BICC1: variants seen among roughly 807,000 people sequenced by gnomAD.
The protein encoded by BICC1 is BicC family RNA binding protein 1.
In BICC1, 43 loss-of-function variants were observed where a neutral mutation model predicts 111.0. That is an observed-to-expected ratio of 0.39 (90% CI 0.30 to 0.50). The LOEUF (loss-of-function observed/expected upper bound fraction) is 0.50. Ranked by LOEUF, BICC1 falls within the 20% of genes least tolerant of loss-of-function variation. The pLI, the probability that BICC1 is intolerant of heterozygous loss-of-function variation, is 0.88. For missense variants in BICC1, 1,091 were observed against 1,203.2 expected (o/e 0.91, Z 1.38); for synonymous variants, 467 against 434.4 (o/e 1.07, Z -0.93).
intron 2 of BICC1, among the ~76,000 whole-genome samples, chr10:58,671,779 T>A (rs1839192815): frequency 6.6e-6 from 1 of 152,148 alleles, no homozygotes; most frequent in Non-Finnish European, 1.5e-5. Flanking sequence ...TTCAACTCAC[T>A]CCAGCTTCTG....
In BICC1 at chr10:58,786,937, A is replaced by G. The variant is rs1278636319; in HGVS notation, c.402A>G (p.Thr134=). Residue 134 remains threonine (T), a synonymous_variant, in exon 5 of 21, where the codon ACA becomes ACG. Coordinates refer to ENST00000373886, the MANE Select transcript of BICC1 (RefSeq NM_001080512.3). ...TTTTCACATAGAGCAATCGAGTCAC[A>G]CTGAAGATGGATGTTTCACATACAG... ...SVLDTKSNRV[T]LKMDVSHTEH... The G allele has an allele frequency of 6.3e-7, 1 of 1,587,318 alleles. No individual in the cohort carries two copies. Among genetic ancestry groups the G allele is most frequent in the Non-Finnish European group, 8.5e-7 (1 of 1,171,146 alleles).
intron 15 of BICC1, among the ~76,000 whole-genome samples, chr10:58,804,804 A>C (rs1843660483): frequency 6.6e-6 from 1 of 152,204 alleles, no homozygotes; most frequent in South Asian, 2.1e-4. Context: ...ACTCTTAATA[A>C]ATCACTAAGA....
intron 2 of BICC1, among the ~76,000 whole-genome samples, chr10:58,666,336 G>A (rs577922294): frequency 6.6e-6 from 1 of 152,286 alleles, no homozygotes; most frequent in South Asian, 2.1e-4. Flanking sequence ...ATTGTTTCAG[G>A]TGCATATTAC....
chr10:58,521,468 T>C (rs1842384593), intron 1 of BICC1, among the ~76,000 whole-genome samples: 6 of 152,076 alleles, frequency 3.9e-5, no homozygotes, highest in Admixed American at 3.9e-4. Flanking sequence ...TAGTGAAATT[T>C]TGGGGAGCAA....
chr10:58,825,550 G>A (rs1473795367), intron 20 of BICC1, among the ~76,000 whole-genome samples: 3 of 152,128 alleles, frequency 2.0e-5, no homozygotes, highest in Non-Finnish European at 4.4e-5. Flanking sequence ...GGCACCACTG[G>A]CAGCAGAGAG....
rs527279932 is a variant in BICC1, at chr10:58,655,864, G to A, written c.237+34963G>A. Reference sequence around the variant, plus strand: ...TTATTTTGAAATATGTCCCATCAATGCCTAATTTATTGAGAGTTTTTAGCA... The same window carrying A: ...TTATTTTGAAATATGTCCCATCAATACCTAATTTATTGAGAGTTTTTAGCA... On this transcript the variant is annotated intron_variant, in intron 2 of 20. Transcript: ENST00000373886. 4.1e-4 allele frequency among the ~76,000 whole-genome samples: 62 copies of A among 151,332 alleles called. No individual in the cohort carries two copies. In the South Asian group the frequency reaches 0.01, roughly 25 times the overall value.
intron 1 of BICC1, among the ~76,000 whole-genome samples, chr10:58,546,422 T>A (rs571005867): frequency 7.4e-4 from 113 of 152,316 alleles, no homozygotes; most frequent in Non-Finnish European, 1.4e-3. Context: ...GAAATTTGAA[T>A]TTTTACAAGC....
At chr10:58,806,462 G>A (rs1449516397) in intron 15 of BICC1, 122 bp from the exon 16 acceptor site, 1 of 817,708 alleles carries the variant, frequency 1.2e-6, no homozygotes, top group Admixed American at 2.1e-5. Context: ...ATTGTGCAAA[G>A]CTTGGTGTAT....
At chr10:58,590,674 C>A (rs1172280785) in intron 1 of BICC1, among the ~76,000 whole-genome samples, 1 of 152,148 alleles carries the variant, frequency 6.6e-6, no homozygotes, top group African/African-American at 2.4e-5. Context: ...TCTCTCACTG[C>A]AAATCCACAG....
chr10:58,816,745 CTG>C (rs56310772), intron 18 of BICC1, among the ~76,000 whole-genome samples: 24,411 of 121,542 alleles, frequency 0.2, 2,365 homozygotes, highest in Middle Eastern at 0.27. Flanking sequence ...ATCTCCAAGG[CTG>C]TGTGTGTGTG....
At chr10:58,523,904 C>A (rs992600140) in intron 1 of BICC1, among the ~76,000 whole-genome samples, 2 of 152,120 alleles carry the variant, frequency 1.3e-5, no homozygotes. Context: ...TTCTTATACA[C>A]CAATAACAGA....
chr10:58,788,621 A>T (rs1354429624), intron 6 of BICC1, among the ~76,000 whole-genome samples, 198 bp downstream of exon 6: 1 of 152,162 alleles, frequency 6.6e-6, no homozygotes, highest in Non-Finnish European at 1.5e-5. Context: ...GTGAGTTTCT[A>T]TGTTATTTAT....
At chr10:58,612,246 C>T (rs1845450035) in intron 1 of BICC1, among the ~76,000 whole-genome samples, 1 of 152,122 alleles carries the variant, frequency 6.6e-6, no homozygotes, top group Admixed American at 6.5e-5. Flanking sequence ...GCTCTCAGAG[C>T]TTTGCATGCC....
rs529621447 is a variant in BICC1 at position 58,688,289 on chromosome 10, C to T, written c.238-13785C>T. 1.2e-4 allele frequency among the ~76,000 whole-genome samples: 19 copies of T among 152,160 alleles called. No homozygotes were observed. The East Asian group carries it at 2.1e-3, about 17-fold the overall frequency. On this transcript the variant is annotated intron_variant, in intron 2 of 20. Coordinates refer to ENST00000373886, the MANE Select transcript of BICC1 (RefSeq NM_001080512.3). The stretch of plus-strand genomic sequence containing the variant: ...CTGCTGATTGGTCCATTTCACTGAC[C>T]ACTCATTGGGCTGTTTTACAGAGTG...
At chr10:58,544,425 G>A (rs1400523472) in intron 1 of BICC1, among the ~76,000 whole-genome samples, 1 of 152,068 alleles carries the variant, frequency 6.6e-6, no homozygotes, top group African/African-American at 2.4e-5. Context: ...AATTATTGCT[G>A]GCTTGAACAT....
In BICC1 at chr10:58,596,925, CA is replaced by C; in HGVS notation, c.191-23929del. ...GAGAGGACACAAACAAATGGAAAAA[CA>C]TTCCATGCTCATGGATAGGAAGAAT... is the stretch of plus-strand genomic sequence containing the variant. On this transcript the variant is annotated intron_variant, in intron 1 of 20. Transcript: ENST00000373886. 2.0e-5 allele frequency among the ~76,000 whole-genome samples: 3 copies of C among 152,308 alleles called. 1 individual carries two copies. In the Middle Eastern group the frequency reaches 0.01, roughly 518 times the overall value.
At chr10:58,815,081 C>CA (rs1469379732) in intron 18 of BICC1, among the ~76,000 whole-genome samples, 1 of 146,900 alleles carries the variant, frequency 6.8e-6, no homozygotes, top group Admixed American at 7.1e-5. Flanking sequence ...ATTGTCATCA[C>CA]AAGATATGCC....
At chr10:58,656,394 C>G (rs1838649921) in intron 2 of BICC1, among the ~76,000 whole-genome samples, 1 of 150,342 alleles carries the variant, frequency 6.7e-6, no homozygotes, top group South Asian at 2.1e-4. Flanking sequence ...GAGACACAAC[C>G]AAAAAAGAGA....
At chr10:58,592,002 A>G (rs1214009985) in intron 1 of BICC1, among the ~76,000 whole-genome samples, 1 of 152,246 alleles carries the variant, frequency 6.6e-6, no homozygotes, top group African/African-American at 2.4e-5. Flanking sequence ...TACTTTCCAG[A>G]ATATGACACA....
Sources: gnomAD v4.1 joint callset for allele counts (sites outside exome capture counted in the v4.1 genomes callset) on GRCh38, gnomAD v4.1.1 for gene constraint, MANE v1.5 for transcripts, NCBI Gene and HGNC (gene_info 2026-07-23, HGNC 2026-07-21) for gene names.